HCRTR2: variants seen among roughly 807,000 people sequenced by gnomAD.
HCRTR2 encodes the protein orexin receptor type 2.
HCRTR2 carries 22 observed loss-of-function variants against 49.0 expected under a neutral mutation model. That is an observed-to-expected ratio of 0.45 (90% CI 0.32 to 0.64). The LOEUF (loss-of-function observed/expected upper bound fraction) is 0.64, where lower values mean the gene tolerates loss of function less well. Ranked by LOEUF, HCRTR2 falls within the 30% of genes least tolerant of loss-of-function variation. HCRTR2 has a pLI of 0.04. For missense variants in HCRTR2, 491 were observed against 559.4 expected (o/e 0.88, Z 1.23); for synonymous variants, 236 against 205.3 (o/e 1.15, Z -1.28).
chr6:55,110,652 A>G (rs951274173), intron 1 of HCRTR2, among the ~76,000 whole-genome samples: 1 of 152,078 alleles, frequency 6.6e-6, no homozygotes, highest in African/African-American at 2.4e-5. Flanking sequence ...ATATAAAGAT[A>G]AAAGGTATAG....
intron 1 of HCRTR2, among the ~76,000 whole-genome samples, chr6:55,241,071 C>T (rs1766321439): frequency 6.6e-6 from 1 of 151,246 alleles, no homozygotes; most frequent in Admixed American, 6.6e-5. Context: ...GTGCTGCACC[C>T]ATTAACTCGT....
At chr6:55,137,708 A>C (rs1269097881) in intron 1 of HCRTR2, among the ~76,000 whole-genome samples, 5 of 152,298 alleles carry the variant, frequency 3.3e-5, no homozygotes, top group African/African-American at 1.2e-4. Flanking sequence ...TGATTATGCC[A>C]TTCACTGAGC....
intron 1 of HCRTR2, among the ~76,000 whole-genome samples, chr6:55,131,726 T>C (rs1410812525): frequency 1.3e-5 from 2 of 151,822 alleles, no homozygotes; most frequent in Non-Finnish European, 3.0e-5. Context: ...AGAATTAATC[T>C]CATGACAACA....
intron 1 of HCRTR2, among the ~76,000 whole-genome samples, chr6:55,231,963 A>G (rs1766123265): frequency 2.0e-5 from 3 of 152,132 alleles, no homozygotes; most frequent in Admixed American, 1.3e-4. Flanking sequence ...TCCTGCTGTG[A>G]TCAGTCTCTC....
At chr6:55,151,130 T>C (rs1764659459) in intron 1 of HCRTR2, among the ~76,000 whole-genome samples, 1 of 152,062 alleles carries the variant, frequency 6.6e-6, no homozygotes, top group South Asian at 2.1e-4. Context: ...ATGTTGATGG[T>C]TGCTGACTTA....
In HCRTR2 at chr6:55,255,195, T is replaced by A. The variant is rs761936932; in HGVS notation, c.462T>A (p.Tyr154Ter). ...TLSCIALDRW[Y>*]AICHPLMFKS... ...GCTGTATCGCCTTGGATCGGTGGTATGCAATCTGTCACCCTTTGATGTTTA... is the reference window on the plus strand; with the variant it reads ...GCTGTATCGCCTTGGATCGGTGGTAAGCAATCTGTCACCCTTTGATGTTTA... Residue 154 changes from tyrosine to a stop codon, truncating the protein, a stop_gained, in exon 3 of 7, where the codon TAT becomes TAA. Coordinates refer to ENST00000370862, the MANE Select transcript of HCRTR2 (RefSeq NM_001384272.1). LOFTEE classifies it high-confidence loss of function. 6.2e-7 allele frequency: 1 copy of A among 1,614,038 alleles called. No individual in the cohort carries two copies. Among genetic ancestry groups the A allele is most frequent in the Non-Finnish European group, 8.5e-7 (1 of 1,179,944 alleles).
chr6:55,280,227 A>G (rs1767162287), intron 5 of HCRTR2, 96 bp from the exon 6 acceptor site: 1 of 798,144 alleles, frequency 1.3e-6, no homozygotes, highest in Non-Finnish European at 2.1e-6. Context: ...CTGCAACTGA[A>G]GAGGACAGGA....
chr6:55,141,176 TAC>T (rs1764501503), intron 1 of HCRTR2, among the ~76,000 whole-genome samples: 2 of 55,396 alleles, frequency 3.6e-5, no homozygotes, highest in African/African-American at 1.8e-4. Context: ...CTACTAAAAA[TAC>T]AAAAAAAAAA....
intron 5 of HCRTR2, among the ~76,000 whole-genome samples, chr6:55,279,595 T>C (rs1767149245): frequency 6.6e-6 from 1 of 151,166 alleles, no homozygotes; most frequent in African/African-American, 2.4e-5. Flanking sequence ...GCAGGAAATA[T>C]ATATGATTTT....
chr6:55,236,465 G>A (rs1766216676), intron 1 of HCRTR2, among the ~76,000 whole-genome samples: 1 of 152,048 alleles, frequency 6.6e-6, no homozygotes, highest in African/African-American at 2.4e-5. Flanking sequence ...TATGCCCTCT[G>A]TGGATAATGA....
At chr6:55,137,225 A>C (rs1764445615) in intron 1 of HCRTR2, among the ~76,000 whole-genome samples, 2 of 152,208 alleles carry the variant, frequency 1.3e-5, no homozygotes, top group Admixed American at 1.3e-4. Context: ...AGAACTAAGA[A>C]ATAAAAAACC....
At chr6:55,176,542 T>C (rs1765042798) in intron 1 of HCRTR2, among the ~76,000 whole-genome samples, 2 of 152,288 alleles carry the variant, frequency 1.3e-5, no homozygotes, top group East Asian at 1.9e-4. Flanking sequence ...ATTGAACATA[T>C]ATTGAGTACC....
chr6:55,224,383 C>T (rs1405628272), intron 1 of HCRTR2, among the ~76,000 whole-genome samples: 1 of 151,778 alleles, frequency 6.6e-6, no homozygotes, highest in African/African-American at 2.4e-5. Context: ...TTTGGGAGGC[C>T]GAGGCGGGCA....
At chr6:55,149,947 T>G (rs1581795607) in intron 1 of HCRTR2, among the ~76,000 whole-genome samples, 1 of 152,150 alleles carries the variant, frequency 6.6e-6, no homozygotes, top group Middle Eastern at 3.4e-3. Context: ...AATCAATGTT[T>G]TTTGTTAAAA....
intron 1 of HCRTR2, among the ~76,000 whole-genome samples, chr6:55,193,157 C>G (rs1193343514): frequency 1.3e-5 from 2 of 152,132 alleles, no homozygotes. Context: ...AAGCACTCTT[C>G]TGACATTAGA....
intron 1 of HCRTR2, among the ~76,000 whole-genome samples, chr6:55,155,651 C>A (rs541640460): frequency 6.6e-6 from 1 of 151,862 alleles, no homozygotes. Flanking sequence ...TTTGTGGAGG[C>A]GGTAGTTAGA....
intron 1 of HCRTR2, among the ~76,000 whole-genome samples, chr6:55,199,180 A>G (rs1467090604): frequency 1.3e-5 from 2 of 152,042 alleles, no homozygotes; most frequent in Non-Finnish European, 2.9e-5. Context: ...ACACACGACT[A>G]CCACAAATGT....
At chr6:55,157,255 A>C (rs1351394929) in intron 1 of HCRTR2, among the ~76,000 whole-genome samples, 1 of 152,234 alleles carries the variant, frequency 6.6e-6, no homozygotes, top group African/African-American at 2.4e-5. Flanking sequence ...TGAAAATAAC[A>C]AAACAATTCC....
intron 2 of HCRTR2, among the ~76,000 whole-genome samples, chr6:55,254,051 T>G (rs967080801): frequency 2.0e-5 from 3 of 152,038 alleles, no homozygotes; most frequent in Non-Finnish European, 2.9e-5. Flanking sequence ...AACAAAATAT[T>G]TCTTAAATGC....
Sources: allele counts gnomAD v4.1 joint callset (sites outside exome capture counted in the v4.1 genomes callset), GRCh38; gene constraint gnomAD v4.1.1; transcripts MANE v1.5; gene names NCBI Gene and HGNC (gene_info 2026-07-23, HGNC 2026-07-21).